CECR2: variants seen among roughly 807,000 people sequenced by gnomAD.
CECR2 encodes chromatin remodeling regulator CECR2.
A neutral mutation model predicts 154.5 loss-of-function variants in CECR2; 30 were observed. That is an observed-to-expected ratio of 0.19 (90% CI 0.15 to 0.26). CECR2 has a LOEUF of 0.26. Among genes scored for constraint, CECR2 ranks in the 10% least tolerant of loss-of-function variants. CECR2 has a pLI of 1.00. For synonymous variants in CECR2, 725 were observed against 683.7 expected (o/e 1.06, Z -0.94); for missense variants, 1,743 against 1,829.3 (o/e 0.95, Z 0.86).
At position 17,549,333 on chromosome 22, in the gene CECR2, A is replaced by C. The variant is rs373901873; in HGVS notation, c.4046A>C (p.Tyr1349Ser). 1 of 1,613,768 alleles carries C rather than the reference A, an allele frequency of 6.2e-7. No individual in the cohort carries two copies. The highest frequency in any genetic ancestry group is 8.5e-7 in the Non-Finnish European group (1 of 1,179,872). ...HSVMLQTGPP[Y>S]TPQRPASHFQ... ...GTGATGCTGCAGACGGGGCCTCCCT[A>C]TACCCCTCAGCGGCCGGCCAGTCAC... is the stretch of plus-strand genomic sequence containing the variant. The change falls in exon 17 of 19, where the codon TAT (tyrosine) becomes TCT (serine). Residue 1349 changes from tyrosine (Y) to serine (S), a missense_variant. Tyr to Ser is a moderately radical substitution (Grantham distance 144, BLOSUM62 -2). Transcript: ENST00000262608.
At chr22:17,403,919 GT>G (rs1010900228) in intron 1 of CECR2, among the ~76,000 whole-genome samples, 1 of 151,758 alleles carries the variant, frequency 6.6e-6, no homozygotes, top group African/African-American at 2.4e-5. Flanking sequence ...AGTTGGTGGG[GT>G]TTTTTTTGAG....
At chr22:17,453,398 C>T (rs933200639) in intron 1 of CECR2, among the ~76,000 whole-genome samples, 7 of 152,068 alleles carry the variant, frequency 4.6e-5, no homozygotes, top group Non-Finnish European at 5.9e-5. Context: ...GTCGAGATTG[C>T]GCCATTGCAC....
chr22:17,444,152 G>C (rs531936340), intron 1 of CECR2, among the ~76,000 whole-genome samples: 1 of 152,270 alleles, frequency 6.6e-6, no homozygotes, highest in Non-Finnish European at 1.5e-5. Context: ...CAGTCATCTT[G>C]TCACCCTCTC....
At chr22:17,370,320 G>C (rs1343667773) in intron 1 of CECR2, among the ~76,000 whole-genome samples, 8 of 111,624 alleles carry the variant, frequency 7.2e-5, no homozygotes, top group African/African-American at 2.6e-4. Context: ...GGCCGGGCGC[G>C]GGGGGGGGGC....
chr22:17,469,247 G>T (rs1415141326), intron 1 of CECR2, among the ~76,000 whole-genome samples: 6 of 151,998 alleles, frequency 3.9e-5, no homozygotes, highest in Admixed American at 6.6e-5. Flanking sequence ...CAGGCTCTGT[G>T]TTATGTGCTG....
chr22:17,368,181 G>A (rs1390240417), upstream of CECR2, among the ~76,000 whole-genome samples: 2 of 152,146 alleles, frequency 1.3e-5, no homozygotes, highest in South Asian at 2.1e-4. Flanking sequence ...AATAAAGTGA[G>A]GGAGAGTGGA....
At chr22:17,405,503 G>C (rs894579386) in intron 1 of CECR2, among the ~76,000 whole-genome samples, 1 of 146,384 alleles carries the variant, frequency 6.8e-6, no homozygotes, top group Non-Finnish European at 1.5e-5. Flanking sequence ...AGACGGGTGT[G>C]GTGGCTGCCG....
intron 3 of CECR2, 139 bp downstream of exon 3, chr22:17,497,725 A>G: frequency 1.3e-6 from 1 of 754,376 alleles, no homozygotes; most frequent in Non-Finnish European, 2.2e-6. Context: ...TGCCAATAAC[A>G]CTGTATGGAA....
chr22:17,545,374 CAAAAAAAAAA>C (rs695493), intron 16 of CECR2, among the ~76,000 whole-genome samples: 6 of 46,440 alleles, frequency 1.3e-4, no homozygotes, highest in African/African-American at 4.5e-4. Context: ...GACTCCGTCT[CAAAAAAAAAA>C]AAAAAAAAAA....
intron 1 of CECR2, among the ~76,000 whole-genome samples, chr22:17,427,227 G>A (rs1268595207): frequency 6.6e-6 from 1 of 152,044 alleles, no homozygotes; most frequent in Non-Finnish European, 1.5e-5. Context: ...ATTCCATAGT[G>A]TATATGTGCC....
At chr22:17,524,615 A>G (rs1434041889) in intron 9 of CECR2, among the ~76,000 whole-genome samples, 1 of 135,254 alleles carries the variant, frequency 7.4e-6, no homozygotes, top group Non-Finnish European at 1.5e-5. Context: ...GATGGTCTCG[A>G]TATCTTGACC....
intron 1 of CECR2, among the ~76,000 whole-genome samples, chr22:17,442,848 A>G (rs1434250931): frequency 4.6e-5 from 7 of 152,176 alleles, no homozygotes; most frequent in Non-Finnish European, 7.3e-5. Flanking sequence ...CGCCTGGCCA[A>G]TCACTAGATG....
chr22:17,473,827 C>T (rs1227841647), intron 1 of CECR2, among the ~76,000 whole-genome samples: 1 of 152,192 alleles, frequency 6.6e-6, no homozygotes, highest in Admixed American at 6.5e-5. Flanking sequence ...ATGCCAGCCG[C>T]ATATCTGAAA....
At chr22:17,374,705 G>A (rs970654564) in intron 1 of CECR2, among the ~76,000 whole-genome samples, 1 of 152,178 alleles carries the variant, frequency 6.6e-6, no homozygotes, top group Admixed American at 6.5e-5. Context: ...TTTTGGGCAG[G>A]TCAAAATAAC....
chr22:17,547,236 T>C (rs1351010736), intron 16 of CECR2, among the ~76,000 whole-genome samples: 1 of 141,094 alleles, frequency 7.1e-6, no homozygotes, highest in Middle Eastern at 3.2e-3. Context: ...TAAAAATGCC[T>C]CTTTTTTTTT....
chr22:17,469,715 G>A (rs1459286385), intron 1 of CECR2, among the ~76,000 whole-genome samples: 1 of 151,554 alleles, frequency 6.6e-6, no homozygotes, highest in Non-Finnish European at 1.5e-5. Flanking sequence ...AGCATATCTG[G>A]AAATCTTCAT....
rs2056552214 is a variant in CECR2, at chr22:17,542,883, G to A, written c.2740G>A (p.Gly914Ser). ...PHQPAHPRLP[G>S]PFPQVAHPMS... ...CCAGCCTGCACACCCCCGTTTACCT[G>A]GCCCTTTTCCGCAGGTAGCTCACCC... is the stretch of plus-strand genomic sequence containing the variant. Residue 914 changes from glycine to serine, a missense_variant, in exon 16 of 19, where the codon GGC becomes AGC. This residue lies in a region of CECR2 where 1,250 missense variants were observed against 1,192.1 expected (regional missense o/e 1.05). Transcript: ENST00000262608. The A allele has an allele frequency of 6.2e-7, 1 of 1,613,822 alleles. No individual in the cohort carries two copies. The highest frequency in any genetic ancestry group is 8.5e-7 in the Non-Finnish European group (1 of 1,179,844).
At chr22:17,394,325 C>G (rs2053776269) in intron 1 of CECR2, among the ~76,000 whole-genome samples, 1 of 151,246 alleles carries the variant, frequency 6.6e-6, no homozygotes. Context: ...ACCTCAGCCT[C>G]CTGAGTGGGT....
At chr22:17,426,128 A>G (rs961072589) in intron 1 of CECR2, among the ~76,000 whole-genome samples, 6 of 152,220 alleles carry the variant, frequency 3.9e-5, no homozygotes, top group Non-Finnish European at 8.8e-5. Context: ...CAAATCCCAG[A>G]CATCATATCA....
Sources: allele counts gnomAD v4.1 joint callset (sites outside exome capture counted in the v4.1 genomes callset), GRCh38; gene constraint gnomAD v4.1.1; regional missense constraint gnomAD v4.1.1; transcripts MANE v1.5; gene names NCBI Gene and HGNC (gene_info 2026-07-23, HGNC 2026-07-21).